Variants in MAF observed in about 807,000 individuals in gnomAD.
MAF encodes the protein MAF bZIP transcription factor.
In MAF, 10 loss-of-function variants were observed where a neutral mutation model predicts 22.0. The observed-to-expected ratio is 0.45, with a 90% confidence interval of 0.28 to 0.77. The LOEUF (loss-of-function observed/expected upper bound fraction) is 0.77. Among genes scored for constraint, MAF ranks in the 30% least tolerant of loss-of-function variants. The pLI is 0.12. For synonymous variants in MAF, 337 were observed against 255.8 expected (o/e 1.32, Z -3.03); for missense variants, 544 against 548.4 (o/e 0.99, Z 0.08).
rs748602255 is a variant in MAF at position 79,599,117 on chromosome 16, G to A, written c.786C>T (p.Ser262=). The change falls in exon 1 of 2, where the codon TCC becomes TCT. Residue 262 remains serine, a synonymous_variant. Coordinates refer to ENST00000326043, the MANE Select transcript of MAF (RefSeq NM_005360.5). Reference sequence around the variant, plus strand: ...CAGACATGGTCACCAGCTGCTCGTCGGAGAAGCGGTCGTCGAAGTGCAGGC... The same window carrying A: ...CAGACATGGTCACCAGCTGCTCGTCAGAGAAGCGGTCGTCGAAGTGCAGGC... ...AGGLHFDDRF[S]DEQLVTMSVR... is the part of the protein sequence containing the mutation. 7.5e-6 allele frequency: 12 copies of A among 1,597,596 alleles called. No homozygotes were observed. The Admixed American group carries it at 8.4e-5, about 11-fold the overall frequency.
At chr16:79,497,044 A>T in the MAF span, among the ~76,000 whole-genome samples, 1 of 152,168 alleles carries the variant, frequency 6.6e-6, no homozygotes, top group Admixed American at 6.5e-5. Context: ...ATAATAATAA[A>T]AACATCTTTT....
rs948757661 is a variant in MAF, at chr16:79,594,120, T to C, written c.*340A>G. ...CCTATATATGATTTTAAAATGCTAATTGTTGCATTCCGGGAAACTTTCCAT... is the reference window on the plus strand; with the variant it reads ...CCTATATATGATTTTAAAATGCTAACTGTTGCATTCCGGGAAACTTTCCAT... On this transcript the variant is annotated 3_prime_UTR_variant, in exon 2 of 2. Coordinates refer to ENST00000326043, the MANE Select transcript of MAF (RefSeq NM_005360.5). 9.6e-6 allele frequency: 3 copies of C among 312,402 alleles called. No individual in the cohort carries two copies. Among genetic ancestry groups the C allele is most frequent in the African/African-American group, 2.1e-5 (1 of 48,074 alleles). 19.4% of individuals were successfully genotyped at this position (312,402 alleles called of 1,614,324 possible).
At chr16:79,567,184 G>A in the MAF span, among the ~76,000 whole-genome samples, 1 of 152,170 alleles carries the variant, frequency 6.6e-6, no homozygotes, top group Non-Finnish European at 1.5e-5. Flanking sequence ...CAGGCATTGT[G>A]GCAGGAGCTT....
chr16:79,263,384 A>G, the MAF span, among the ~76,000 whole-genome samples: 4 of 152,216 alleles, frequency 2.6e-5, no homozygotes, highest in African/African-American at 7.2e-5. Flanking sequence ...TTTGATTTCC[A>G]TATCTGGAAG....
chr16:79,228,255 T>G, the MAF span, among the ~76,000 whole-genome samples: 5 of 152,010 alleles, frequency 3.3e-5, no homozygotes, highest in African/African-American at 1.2e-4. Flanking sequence ...TAACAACTAT[T>G]TGAAGGGAAA....
intron 1 of MAF, chr16:79,596,477 A>G: frequency 1.9e-6 from 2 of 1,051,810 alleles, no homozygotes; most frequent in Non-Finnish European, 2.3e-6. Context: ...CTGAGTACAG[A>G]ATCAAAAAAA....
chr16:79,420,265 C>A, the MAF span, among the ~76,000 whole-genome samples: 1 of 152,146 alleles, frequency 6.6e-6, no homozygotes, highest in Admixed American at 6.5e-5. Flanking sequence ...AAATGTGTGT[C>A]ACGTTATATG....
the MAF span, among the ~76,000 whole-genome samples, chr16:79,285,773 G>A: frequency 1.3e-5 from 2 of 152,198 alleles, no homozygotes; most frequent in Non-Finnish European, 2.9e-5. Flanking sequence ...CAGGAAGGCG[G>A]GAGGTGACTT....
the MAF span, among the ~76,000 whole-genome samples, chr16:79,524,344 T>A: frequency 6.6e-6 from 1 of 152,214 alleles, no homozygotes; most frequent in Admixed American, 6.5e-5. Flanking sequence ...AACGCCTTCC[T>A]CTGGGACTGG....
At chr16:79,591,049 G>T (rs771278764), downstream of MAF, among the ~76,000 whole-genome samples, 2 of 152,122 alleles carry the variant, frequency 1.3e-5, no homozygotes, top group African/African-American at 4.8e-5. Context: ...AACAATCCTT[G>T]TTGGGGATTC....
chr16:79,531,245 G>A, the MAF span, among the ~76,000 whole-genome samples: 180 of 152,208 alleles, frequency 1.2e-3, 1 homozygote, highest in African/African-American at 4.2e-3. Context: ...TAAAAGAAAG[G>A]CAGTGGAGTT....
chr16:79,575,257 C>T, the MAF span, among the ~76,000 whole-genome samples: 6 of 152,152 alleles, frequency 3.9e-5, no homozygotes, highest in South Asian at 1.0e-3. Flanking sequence ...CCAAGCCTTA[C>T]CCAATGCCAT....
At chr16:79,504,763 C>T in the MAF span, among the ~76,000 whole-genome samples, 9 of 152,192 alleles carry the variant, frequency 5.9e-5, no homozygotes, top group Admixed American at 1.3e-4. Context: ...CAATCTCATA[C>T]ATTGGACTAA....
At chr16:79,414,009 G>C in the MAF span, among the ~76,000 whole-genome samples, 1 of 152,208 alleles carries the variant, frequency 6.6e-6, no homozygotes, top group Non-Finnish European at 1.5e-5. Flanking sequence ...GCCCTCAGCT[G>C]TCTGAGCTCA....
At chr16:79,450,654 A>G in the MAF span, among the ~76,000 whole-genome samples, 2,154 of 152,226 alleles carry the variant, frequency 0.014, 49 homozygotes, top group African/African-American at 0.049. Context: ...TAAGGCTATT[A>G]TTTTGTCTGA....
chr16:79,216,528 G>C, the MAF span, among the ~76,000 whole-genome samples: 11 of 152,112 alleles, frequency 7.2e-5, no homozygotes, highest in Non-Finnish European at 1.2e-4. Context: ...AATTACATGA[G>C]ACATTCAACC....
chr16:79,507,582 GC>G, the MAF span, among the ~76,000 whole-genome samples: 2 of 151,814 alleles, frequency 1.3e-5, no homozygotes, highest in Admixed American at 6.6e-5. Context: ...CCACCACCAT[GC>G]CTGGCTAATT....
the MAF span, among the ~76,000 whole-genome samples, chr16:79,485,041 C>T: frequency 6.6e-6 from 1 of 152,116 alleles, no homozygotes; most frequent in Non-Finnish European, 1.5e-5. Context: ...GCTTCTTGGC[C>T]TGATTGCCTG....
At chr16:79,538,157 G>T in the MAF span, among the ~76,000 whole-genome samples, 1 of 152,104 alleles carries the variant, frequency 6.6e-6, no homozygotes, top group African/African-American at 2.4e-5. Context: ...GATCACTATA[G>T]CAGATATTAA....
Sources: gnomAD v4.1 joint callset for allele counts (sites outside exome capture counted in the v4.1 genomes callset) on GRCh38, gnomAD v4.1.1 for gene constraint, MANE v1.5 for transcripts, NCBI Gene and HGNC (gene_info 2026-07-23, HGNC 2026-07-21) for gene names.